The following CCZ1 variants were observed in gnomAD, a reference collection of about 807,000 sequenced individuals.
CCZ1 encodes the protein vacuolar fusion protein CCZ1 homolog.
A neutral mutation model predicts 57.8 loss-of-function variants in CCZ1; 19 were observed. The ratio of observed to expected loss-of-function variants is 0.33; its 90% CI spans 0.23 to 0.48. The LOEUF (loss-of-function observed/expected upper bound fraction) is 0.48, where lower values mean the gene tolerates loss of function less well. Ranked by LOEUF, CCZ1 falls within the 20% of genes least tolerant of loss-of-function variation. CCZ1 has a pLI of 0.99. For synonymous variants in CCZ1, 81 were observed against 167.0 expected, an observed-to-expected ratio of 0.49 and a Z score of 3.97; for missense variants, 200 against 492.0, an observed-to-expected ratio of 0.41 and a Z score of 5.61.
Position 5,901,661 on chromosome 7 carries a change from A to G in CCZ1, c.395A>G (p.Lys132Arg), listed in dbSNP as rs1456686149. The change falls in exon 5 of 15, where the codon AAG (lysine) becomes AGG (arginine). Residue 132 changes from lysine (K) to arginine (R), a missense_variant. Lys to Arg is a conservative substitution (Grantham distance 26). Coordinates refer to ENST00000325974, the MANE Select transcript of CCZ1 (RefSeq NM_015622.6). ...IEYQEEELLD[K>R]VYSSVLRQCY... The stretch of plus-strand genomic sequence containing the variant: ...GCTGTGTTTTCGCGTCTGCAGGACA[A>G]GGTTTATAGCTCGGTGCTGCGGCAG... 3 of 1,597,068 alleles carry G rather than the reference A, an allele frequency of 1.9e-6. No individual in the cohort carries two copies. Among genetic ancestry groups the G allele is most frequent in the Non-Finnish European group, 2.6e-6 (3 of 1,175,766 alleles).
At chr7:5,922,848 C>T (rs1378000172) in intron 12 of CCZ1, among the ~76,000 whole-genome samples, 2 of 149,466 alleles carry the variant, frequency 1.3e-5, no homozygotes, top group South Asian at 2.1e-4. Flanking sequence ...TGTTACTCTC[C>T]TCAAGCAGGG....
chr7:5,913,451 C>T (rs1419232085), intron 10 of CCZ1, among the ~76,000 whole-genome samples: 18 of 151,520 alleles, frequency 1.2e-4, no homozygotes, highest in Non-Finnish European at 2.1e-4. Flanking sequence ...AGCATGTGCA[C>T]GTGTTTCTCC....
intron 10 of CCZ1, among the ~76,000 whole-genome samples, chr7:5,915,421 C>G (rs1779128765): frequency 7.3e-6 from 1 of 137,414 alleles, no homozygotes; most frequent in African/African-American, 2.6e-5. Flanking sequence ...TCTCCATAAC[C>G]CTGGTGTGTA....
At chr7:5,903,917 C>A (rs1203935757) in intron 6 of CCZ1, among the ~76,000 whole-genome samples, 1 of 142,676 alleles carries the variant, frequency 7.0e-6, no homozygotes, top group African/African-American at 2.7e-5. Context: ...ATCGCTTGAA[C>A]CCCGGAGGCG....
At chr7:5,907,701 G>A (rs1315958705) in intron 7 of CCZ1, among the ~76,000 whole-genome samples, 1 of 144,308 alleles carries the variant, frequency 6.9e-6, no homozygotes, top group Non-Finnish European at 1.5e-5. Context: ...GCATCTGAGG[G>A]GTTGAGCAGG....
At position 5,902,212 on chromosome 7, in the gene CCZ1, C is replaced by T. The variant is rs551770597; in HGVS notation, c.439-449C>T. ...ACCTGGGAGGCTGAGGTGGGAGGAT[C>T]GCTCGCGCCTTGGAGGTCGAGGCTG... On this transcript the variant is annotated intron_variant, in intron 5 of 14. Transcript: ENST00000325974. The T allele has an allele frequency of 6.6e-4, 120 of 182,896 alleles. 2 individuals are homozygous for T. Among genetic ancestry groups the T allele is most frequent in the African/African-American group, 1.9e-3 (75 of 40,446 alleles). The allele number at this position is 182,896 out of a possible 1,614,324, so 11.3% of individuals were successfully genotyped here. A position where few individuals can be genotyped will look rare whatever the true frequency, so the allele number is the denominator to read the frequency against.
At chr7:5,899,333 GGGTGTGTGT>G (rs1583179113) in intron 1 of CCZ1, among the ~76,000 whole-genome samples, 1 of 3,692 alleles carries the variant, frequency 2.7e-4, no homozygotes, top group East Asian at 5.0e-3. Flanking sequence ...TTCGGGAGGG[GGGTGTGTGT>G]GTGTGTGTGT....
Position 5,922,708 on chromosome 7 carries a change from T to C in CCZ1, c.1107-679T>C, listed in dbSNP as rs1340752840. Among the ~76,000 whole-genome samples the C allele has an allele frequency of 5.0e-4, 75 of 151,184 alleles. 1 individual carries two copies. The Middle Eastern group carries it at 0.01, about 21-fold the overall frequency. On this transcript the variant is annotated intron_variant, in intron 12 of 14. Transcript: ENST00000325974. ...ATCAGACTGCAGTGGAAAAGGCGAC[T>C]GCGTTTTACAGTGATGTCCACTGGG...
chr7:5,910,229 T>G lies in CCZ1; in HGVS notation c.780+113T>G, dbSNP rs1049278456. ...CTGATCGTTTCTGATGTATGTTTTG[T>G]CTTACTGTGATATTTGTGTCACTGT... On this transcript the variant is annotated intron_variant, in intron 8 of 14. Coordinates refer to ENST00000325974, the MANE Select transcript of CCZ1 (RefSeq NM_015622.6). 62 of 964,824 alleles carry G rather than the reference T, an allele frequency of 6.4e-5. 1 individual carries two copies. Among genetic ancestry groups the G allele is most frequent in the Non-Finnish European group, 9.4e-5 (59 of 628,974 alleles). The allele number at this position is 964,824 out of a possible 1,614,324, so 59.8% of individuals were successfully genotyped here.
Position 5,905,781 on chromosome 7 carries a change from C to CAAAA in CCZ1, c.698+535_698+538dup, listed in dbSNP as rs796636886. On this transcript the variant is annotated intron_variant, in intron 7 of 14. Transcript: ENST00000325974. The stretch of plus-strand genomic sequence containing the variant: ...TGGCAACAGAGAGAGACTCTGTCTC[C>CAAAA]AAAAAAAAAAAAAAAAAAAAAAAAA... Among the ~76,000 whole-genome samples the CAAAA allele has an allele frequency of 7.0e-4, 31 of 44,356 alleles. 3 individuals carry two copies. Among genetic ancestry groups the CAAAA allele is most frequent in the Admixed American group, 1.1e-3 (3 of 2,622 alleles). The allele number at this position is 44,356 out of a possible 152,430, so 29.1% of individuals were successfully genotyped here.
chr7:5,909,246 C>T (rs1781909666), intron 7 of CCZ1, among the ~76,000 whole-genome samples: 1 of 149,298 alleles, frequency 6.7e-6, no homozygotes, highest in Non-Finnish European at 1.5e-5. Flanking sequence ...GGTGGTGAGC[C>T]TCTTGATATA....
chr7:5,899,704 C>T (rs1302227735), intron 1 of CCZ1, among the ~76,000 whole-genome samples: 2 of 149,726 alleles, frequency 1.3e-5, no homozygotes, highest in Non-Finnish European at 3.0e-5. Context: ...GTGATTGAGG[C>T]TGCAGGTGAG....
At chr7:5,920,107 CTCTG>C in intron 12 of CCZ1, 141 bp downstream of exon 12, 1 of 1,267,920 alleles carries the variant, frequency 7.9e-7, no homozygotes. Flanking sequence ...CCATTCAGGC[CTCTG>C]TCTGAAAGGG....
chr7:5,916,505 GT>G (rs113216947), intron 10 of CCZ1, among the ~76,000 whole-genome samples: 13 of 43,372 alleles, frequency 3.0e-4, no homozygotes, highest in African/African-American at 5.4e-4. Flanking sequence ...TTTGTTTTTT[GT>G]TTTTTTTTTT....
chr7:5,908,819 C>T lies in CCZ1; in HGVS notation c.699-1216C>T, dbSNP rs1164585271. On this transcript the variant is annotated intron_variant, in intron 7 of 14. Coordinates refer to ENST00000325974, the MANE Select transcript of CCZ1 (RefSeq NM_015622.6). ...TTTTCCATGTGCTGCTCCTTCCTGC[C>T]TCATTTCAGATCAGGTGGTTTGCCT... Among the ~76,000 whole-genome samples the T allele has an allele frequency of 2.8e-5, 4 of 144,062 alleles. No individual in the cohort carries two copies. In the East Asian group the frequency reaches 7.2e-4, roughly 26 times the overall value. The allele number at this position is 144,062 out of a possible 152,430, so 94.5% of individuals were successfully genotyped here.
intron 8 of CCZ1, among the ~76,000 whole-genome samples, chr7:5,910,458 C>T (rs1781942849): frequency 1.3e-5 from 2 of 148,700 alleles, no homozygotes; most frequent in Non-Finnish European, 3.0e-5. Context: ...TCCCAAGTAC[C>T]TGGGATTACA....
Position 5,904,510 on chromosome 7 carries a change from G to A in CCZ1, c.523-584G>A, listed in dbSNP as rs543968356. On this transcript the variant is annotated intron_variant, in intron 6 of 14. Transcript: ENST00000325974. ...GTTCAAGACCAGCCTAGGCAACATA[G>A]CAAGACTCTGTCTATACCAAAAAAA... 8.3e-5 allele frequency among the ~76,000 whole-genome samples: 12 copies of A among 145,316 alleles called. 1 individual carries two copies. In the South Asian group the frequency reaches 2.8e-3, roughly 33 times the overall value.
rs956698673 is a variant in CCZ1, at chr7:5,898,929, G to A, written c.120+10G>A. The A allele has an allele frequency of 7.8e-4, 345 of 442,952 alleles. No individual in the cohort carries two copies. In the South Asian group the frequency reaches 0.011, roughly 14 times the overall value. The allele number at this position is 442,952 out of a possible 1,614,324, so 27.4% of individuals were successfully genotyped here. A position where few individuals can be genotyped will look rare whatever the true frequency, so the allele number is the denominator to read the frequency against. ...GCCGCGCGAAGGACAGGTATGCGGAGGGGGCGGCGCGCGGGCGGGCGGCGC... is the reference window on the plus strand; with the variant it reads ...GCCGCGCGAAGGACAGGTATGCGGAAGGGGCGGCGCGCGGGCGGGCGGCGC... On this transcript the variant is annotated intron_variant, in intron 1 of 14. Transcript: ENST00000325974.
chr7:5,912,317 C>T (rs1174239119), intron 9 of CCZ1, among the ~76,000 whole-genome samples: 2 of 131,298 alleles, frequency 1.5e-5, no homozygotes, highest in African/African-American at 5.8e-5. Context: ...ATCTGATTGA[C>T]AGTAATCAAC....
Sources: gnomAD v4.1 joint callset for allele counts (sites outside exome capture counted in the v4.1 genomes callset) on GRCh38, gnomAD v4.1.1 for gene constraint, MANE v1.5 for transcripts, NCBI Gene and HGNC (gene_info 2026-07-23, HGNC 2026-07-21) for gene names.